Variants in DAW1 observed in about 807,000 individuals in gnomAD.
DAW1 encodes the protein dynein assembly factor with WD repeats 1, also known as dynein assembly factor with WD repeat domains 1.
In DAW1, 47 loss-of-function variants were observed where a neutral mutation model predicts 56.5. The observed-to-expected ratio is 0.83, with a 90% confidence interval of 0.66 to 1.06. The LOEUF is 1.06. Ranked by LOEUF, DAW1 falls within the 50% of genes least tolerant of loss-of-function variation. The pLI is 0.00. For synonymous variants in DAW1, 190 were observed against 179.0 expected, an observed-to-expected ratio of 1.06 and a Z score of -0.49; for missense variants, 505 against 499.3, an observed-to-expected ratio of 1.01 and a Z score of -0.11.
At chr2:227,905,786 G>A (rs1001668340) in intron 8 of DAW1, among the ~76,000 whole-genome samples, 2 of 149,078 alleles carry the variant, frequency 1.3e-5, no homozygotes, top group Non-Finnish European at 3.0e-5. Context: ...ACGGAGTCTC[G>A]CTCTGTTGCC....
intron 10 of DAW1, among the ~76,000 whole-genome samples, chr2:227,913,338 A>G (rs1045564368): frequency 7.9e-5 from 12 of 152,186 alleles, no homozygotes; most frequent in African/African-American, 2.9e-4. Context: ...TACCGCCTTT[A>G]TAACCATGTG....
At chr2:227,908,629 A>G (rs1691741077) in intron 10 of DAW1, among the ~76,000 whole-genome samples, 1 of 152,216 alleles carries the variant, frequency 6.6e-6, no homozygotes, top group South Asian at 2.1e-4. Flanking sequence ...TCTGCAGCAT[A>G]TTCCTGAAAA....
intron 12 of DAW1, among the ~76,000 whole-genome samples, chr2:227,922,833 T>G (rs1370039854): frequency 6.6e-6 from 1 of 152,198 alleles, no homozygotes; most frequent in Non-Finnish European, 1.5e-5. Context: ...AGCCATAGAT[T>G]TTTGTTGTGA....
At chr2:227,907,103 CT>C (rs370563385) in intron 9 of DAW1, 34 bp from the exon 10 acceptor site, 75,853 of 979,940 alleles carry the variant, frequency 0.077, no homozygotes, top group South Asian at 0.11. Flanking sequence ...AAGTCATAGT[CT>C]TTTTTTTTTT....
rs760094867 is a variant in DAW1 at position 227,903,088 on chromosome 2, C to T, written c.627C>T (p.Gly209=). 1.0e-4 allele frequency: 168 copies of T among 1,613,846 alleles called. No individual in the cohort carries two copies. Among genetic ancestry groups the T allele is most frequent in the South Asian group, 4.0e-4 (36 of 91,078 alleles). Residue 209 remains glycine, a synonymous_variant, in exon 7 of 13, where the codon GGC becomes GGT. Transcript: ENST00000309931. The part of the protein sequence containing the change: ...TTAKLWDIQN[G]EEVYTLRGHS... ...CCAAATTGTGGGACATTCAGAATGGCGAGGAAGTTTACACCTTAAGAGTAT... is the reference window on the plus strand; with the variant it reads ...CCAAATTGTGGGACATTCAGAATGGTGAGGAAGTTTACACCTTAAGAGTAT...
At chr2:227,919,300 T>C (rs566687331) in intron 11 of DAW1, among the ~76,000 whole-genome samples, 62 of 152,244 alleles carry the variant, frequency 4.1e-4, no homozygotes, top group African/African-American at 1.4e-3. Flanking sequence ...CATGTTTTTT[T>C]CTAGAAATCA....
intron 10 of DAW1, among the ~76,000 whole-genome samples, chr2:227,913,881 A>ATCTATCTATCTG (rs79833260): frequency 0.027 from 3,288 of 120,244 alleles, 63 homozygotes; most frequent in African/African-American, 0.037. Flanking sequence ...ATATCTATCT[A>ATCTATCTATCTG]TCTGTCTGTC....
chr2:227,872,443 G>A (rs1690779504), intron 1 of DAW1: 1 of 152,132 alleles, frequency 6.6e-6, no homozygotes, highest in South Asian at 2.1e-4. Flanking sequence ...GCTTTATGAG[G>A]GGTGGGACTT....
chr2:227,922,825 C>T (rs1422496195), intron 12 of DAW1, among the ~76,000 whole-genome samples: 3 of 152,250 alleles, frequency 2.0e-5, no homozygotes, highest in East Asian at 3.9e-4. Flanking sequence ...GGAAAACAAG[C>T]CATAGATTTT....
At chr2:227,906,145 T>G (rs1691674640) in intron 8 of DAW1, 91 bp from the exon 9 acceptor site, 2 of 884,426 alleles carry the variant, frequency 2.3e-6, no homozygotes, top group African/African-American at 1.7e-5. Flanking sequence ...GATTTTAGAT[T>G]AGCTTACACA....
At chr2:227,908,358 A>G (rs1574665768) in intron 10 of DAW1, among the ~76,000 whole-genome samples, 1 of 152,196 alleles carries the variant, frequency 6.6e-6, no homozygotes, top group Non-Finnish European at 1.5e-5. Flanking sequence ...TATGTATGAT[A>G]CTAACACTCT....
At chr2:227,884,449 G>A (rs1206181638) in intron 1 of DAW1, among the ~76,000 whole-genome samples, 1 of 152,136 alleles carries the variant, frequency 6.6e-6, no homozygotes, top group African/African-American at 2.4e-5. Flanking sequence ...CTAATTTGGC[G>A]AAATCTGCTT....
At chr2:227,896,543 T>C (rs1173715443) in intron 5 of DAW1, among the ~76,000 whole-genome samples, 1 of 151,762 alleles carries the variant, frequency 6.6e-6, no homozygotes, top group South Asian at 2.1e-4. Flanking sequence ...TTTGGGGTCA[T>C]TGGGGTTTCA....
intron 4 of DAW1, among the ~76,000 whole-genome samples, chr2:227,893,391 C>T (rs113801536): frequency 0.13 from 19,480 of 150,486 alleles, 2,051 homozygotes; most frequent in African/African-American, 0.29. Flanking sequence ...ATAGGCCAGG[C>T]GTGGTGTGTC....
intron 10 of DAW1, among the ~76,000 whole-genome samples, chr2:227,911,243 TATACATATATACAC>T (rs1691809586): frequency 6.8e-6 from 1 of 146,826 alleles, no homozygotes; most frequent in South Asian, 2.1e-4. Flanking sequence ...TATATACATA[TATACATATATACAC>T]GTGTATATAC....
intron 10 of DAW1, among the ~76,000 whole-genome samples, chr2:227,915,967 A>G (rs1046012463): frequency 2.0e-5 from 3 of 152,196 alleles, no homozygotes; most frequent in African/African-American, 7.2e-5. Flanking sequence ...CTTGAAAGTT[A>G]CATATGATTA....
rs900301805 is a variant in DAW1 at position 227,902,998 on chromosome 2, T to A, written c.541-4T>A. On this transcript the variant is annotated splice_region_variant and splice_polypyrimidine_tract_variant and intron_variant, in intron 6 of 12. Coordinates refer to ENST00000309931, the MANE Select transcript of DAW1 (RefSeq NM_178821.3). Reference sequence around the variant, plus strand: ...TAAAATTTCTCCCATTTTATGTAATTTAGGTGTGTTTATCATTTAACCCTC... The same window carrying A: ...TAAAATTTCTCCCATTTTATGTAATATAGGTGTGTTTATCATTTAACCCTC... 2 of 1,613,612 alleles carry A rather than the reference T, an allele frequency of 1.2e-6. No homozygotes were observed. The highest frequency in any genetic ancestry group is 2.7e-5 in the African/African-American group (2 of 74,910).
chr2:227,906,973 C>T (rs1471468880), intron 9 of DAW1, among the ~76,000 whole-genome samples, 165 bp from the exon 10 acceptor site: 1 of 152,090 alleles, frequency 6.6e-6, no homozygotes, highest in Non-Finnish European at 1.5e-5. Context: ...GGTCTCTGGT[C>T]ATGAATCAAA....
Position 227,899,158 on chromosome 2 carries a change from T to C in DAW1, c.540+877T>C, listed in dbSNP as rs1434713310. Among the ~76,000 whole-genome samples the C allele has an allele frequency of 2.0e-5, 3 of 152,232 alleles. No individual in the cohort carries two copies. In the East Asian group the frequency reaches 5.8e-4, roughly 29 times the overall value. On this transcript the variant is annotated intron_variant, in intron 6 of 12. Transcript: ENST00000309931. ...TAGCTCTTAAAAATAAACAGGCTGC[T>C]GCTCCTAATGATTAGTAATACCTTA...
Sources: gnomAD v4.1 joint callset for allele counts (sites outside exome capture counted in the v4.1 genomes callset) on GRCh38, gnomAD v4.1.1 for gene constraint, MANE v1.5 for transcripts, NCBI Gene and HGNC (gene_info 2026-07-23, HGNC 2026-07-21) for gene names.